The following ATP8A2 variants were observed in gnomAD, a reference collection of about 807,000 sequenced individuals.
The protein encoded by ATP8A2 is phospholipid-transporting ATPase IB.
In ATP8A2, 100 loss-of-function variants were observed where a neutral mutation model predicts 165.6. The ratio of observed to expected loss-of-function variants is 0.60; its 90% CI spans 0.51 to 0.71. The LOEUF is 0.71. ATP8A2 is among the 30% of genes least tolerant of loss of function. ATP8A2 has a pLI of 0.00. For synonymous variants in ATP8A2, 543 were observed against 548.8 expected (o/e 0.99, Z 0.15); for missense variants, 1,227 against 1,479.5 (o/e 0.83, Z 2.80).
intron 19 of ATP8A2, among the ~76,000 whole-genome samples, chr13:25,576,632 C>T (rs1460176100): frequency 6.6e-6 from 1 of 152,076 alleles, no homozygotes; most frequent in African/African-American, 2.4e-5. Flanking sequence ...TCTTTCTACT[C>T]CAATTAAAAG....
At chr13:25,613,410 C>G (rs984823087) in intron 24 of ATP8A2, among the ~76,000 whole-genome samples, 1 of 152,226 alleles carries the variant, frequency 6.6e-6, no homozygotes, top group South Asian at 2.1e-4. Flanking sequence ...CTCGTCTCTA[C>G]TAAAAATACA....
At chr13:25,519,357 A>G (rs978372156) in intron 2 of ATP8A2, among the ~76,000 whole-genome samples, 2 of 151,694 alleles carry the variant, frequency 1.3e-5, no homozygotes, top group African/African-American at 2.4e-5. Flanking sequence ...ATCACGATCT[A>G]TGCTGTTATG....
intron 35 of ATP8A2, among the ~76,000 whole-genome samples, chr13:25,995,912 A>C (rs4769442): frequency 1 from 151,838 of 152,274 alleles, 75,703 homozygotes; most frequent in Middle Eastern, 1. Context: ...TCTATTTCTT[A>C]TTTCAGTTCT....
intron 2 of ATP8A2, among the ~76,000 whole-genome samples, chr13:25,529,794 G>C (rs12431022): frequency 0.064 from 9,706 of 152,136 alleles, 404 homozygotes; most frequent in South Asian, 0.13. Flanking sequence ...AGAAAACAAA[G>C]ACCACATTGG....
intron 2 of ATP8A2, among the ~76,000 whole-genome samples, chr13:25,480,883 C>T (rs1309448406): frequency 6.6e-6 from 1 of 151,874 alleles, no homozygotes; most frequent in Non-Finnish European, 1.5e-5. Flanking sequence ...ACTGAGTGAA[C>T]CAGACACCGT....
chr13:25,390,608 C>G (rs1349012419), intron 1 of ATP8A2, among the ~76,000 whole-genome samples: 1 of 152,082 alleles, frequency 6.6e-6, no homozygotes, highest in Non-Finnish European at 1.5e-5. Flanking sequence ...TCTTCTTTGT[C>G]TGGCTTCTTT....
chr13:25,477,415 G>A (rs1193363647), intron 2 of ATP8A2, among the ~76,000 whole-genome samples: 1 of 152,208 alleles, frequency 6.6e-6, no homozygotes, highest in African/African-American at 2.4e-5. Flanking sequence ...GACCCAAGAC[G>A]TGACAAGTAA....
intron 33 of ATP8A2, among the ~76,000 whole-genome samples, chr13:25,896,282 C>T (rs7400392): frequency 0.08 from 12,116 of 152,150 alleles, 1,262 homozygotes; most frequent in African/African-American, 0.23. Context: ...GCCTTCATTT[C>T]GTTATGTACC....
chr13:25,577,386 G>A (rs1402662957), intron 20 of ATP8A2, among the ~76,000 whole-genome samples: 2 of 152,316 alleles, frequency 1.3e-5, no homozygotes, highest in East Asian at 3.9e-4. Flanking sequence ...GTGACTCCAC[G>A]TGTCATGCAA....
At chr13:25,938,890 T>G (rs1954990162) in intron 33 of ATP8A2, among the ~76,000 whole-genome samples, 1 of 151,804 alleles carries the variant, frequency 6.6e-6, no homozygotes, top group Non-Finnish European at 1.5e-5. Context: ...TCCCCCAGGC[T>G]GGAGTGCAAA....
chr13:25,525,044 T>C (rs1012769115), intron 2 of ATP8A2, among the ~76,000 whole-genome samples: 1 of 151,978 alleles, frequency 6.6e-6, no homozygotes, highest in Non-Finnish European at 1.5e-5. Context: ...ATTTTTGGTG[T>C]ATCTATTATA....
At chr13:25,815,114 A>G (rs1275222109) in intron 27 of ATP8A2, among the ~76,000 whole-genome samples, 2 of 152,288 alleles carry the variant, frequency 1.3e-5, no homozygotes, top group East Asian at 3.9e-4. Context: ...AAGAAGACAT[A>G]AGGGGACAGT....
At chr13:25,533,384 T>G (rs2137937132) in intron 6 of ATP8A2, 71 bp downstream of exon 6, 1 of 872,504 alleles carries the variant, frequency 1.1e-6, no homozygotes, top group South Asian at 1.5e-5. Context: ...TGGTCTTGAT[T>G]GCAGTATAAA....
At chr13:25,564,074 G>GT in intron 16 of ATP8A2, 43 bp downstream of exon 16, 1 of 1,424,096 alleles carries the variant, frequency 7.0e-7, no homozygotes, top group Non-Finnish European at 9.9e-7. Context: ...ACAGCTTACG[G>GT]TGCAACTTTC....
At chr13:25,618,230 G>C (rs2040875491) in intron 24 of ATP8A2, among the ~76,000 whole-genome samples, 1 of 152,174 alleles carries the variant, frequency 6.6e-6, no homozygotes, top group African/African-American at 2.4e-5. Context: ...AAGATTGAGA[G>C]TGACCTGCTG....
At chr13:25,998,114 G>A (rs1956553133) in intron 35 of ATP8A2, among the ~76,000 whole-genome samples, 1 of 152,172 alleles carries the variant, frequency 6.6e-6, no homozygotes, top group Non-Finnish European at 1.5e-5. Flanking sequence ...CTTCAGGGTA[G>A]GGATGGGAGC....
Position 26,020,254 on chromosome 13 carries a change from G to C in ATP8A2, c.*269G>C, listed in dbSNP as rs1237500328. 2.2e-6 allele frequency: 1 copy of C among 462,828 alleles called. No homozygotes were observed. The highest frequency in any genetic ancestry group is 2.0e-5 in the African/African-American group (1 of 50,802). 28.7% of individuals were successfully genotyped at this position (462,828 alleles called of 1,614,324 possible). A position where few individuals can be genotyped will look rare whatever the true frequency, so the allele number is the denominator to read the frequency against. Reference sequence around the variant, plus strand: ...GTTATGAAGCATTCAACTGTGCTCTGTGAGGTGTGAAATTAAAAACATTAT... The same window carrying C: ...GTTATGAAGCATTCAACTGTGCTCTCTGAGGTGTGAAATTAAAAACATTAT... On this transcript the variant is annotated 3_prime_UTR_variant, in exon 37 of 37. Transcript: ENST00000381655.
chr13:25,815,096 A>G (rs1169856676), intron 27 of ATP8A2, among the ~76,000 whole-genome samples: 1 of 151,920 alleles, frequency 6.6e-6, no homozygotes, highest in Non-Finnish European at 1.5e-5. Flanking sequence ...AAACAATAAA[A>G]CTCTTAGAAG....
At chr13:25,672,728 T>C (rs1326627378) in intron 24 of ATP8A2, among the ~76,000 whole-genome samples, 1 of 152,124 alleles carries the variant, frequency 6.6e-6, no homozygotes, top group Admixed American at 6.5e-5. Flanking sequence ...GACCCCAGGG[T>C]AGGATCAAAA....
Sources: gnomAD v4.1 joint callset for allele counts (sites outside exome capture counted in the v4.1 genomes callset) on GRCh38, gnomAD v4.1.1 for gene constraint, MANE v1.5 for transcripts, NCBI Gene and HGNC (gene_info 2026-07-23, HGNC 2026-07-21) for gene names.